Variants in NLGN1 observed in about 807,000 individuals in gnomAD.
NLGN1 encodes the protein neuroligin-1.
Under a neutral mutation model 65.5 loss-of-function variants are expected in NLGN1, and 12 were observed. The observed-to-expected ratio is 0.18, with a 90% CI of 0.12 to 0.30. The LOEUF is 0.30. Ranked by LOEUF, NLGN1 falls within the 10% of genes least tolerant of loss-of-function variation. The pLI, the probability that NLGN1 is intolerant of heterozygous loss-of-function variation, is 1.00. For missense variants in NLGN1, 750 were observed against 1,007.1 expected (o/e 0.74, Z 3.46); for synonymous variants, 350 against 359.5 (o/e 0.97, Z 0.30).
intron 4 of NLGN1, among the ~76,000 whole-genome samples, chr3:173,893,816 T>A (rs1032821620): frequency 6.6e-6 from 1 of 152,242 alleles, no homozygotes; most frequent in Non-Finnish European, 1.5e-5. Context: ...CTGTGATAGC[T>A]TGCCTATCAT....
At chr3:174,211,049 C>T (rs190320167) in intron 4 of NLGN1, among the ~76,000 whole-genome samples, 1 of 152,078 alleles carries the variant, frequency 6.6e-6, no homozygotes, top group Admixed American at 6.6e-5. Context: ...CAGATGTGTT[C>T]GGAGTTTCTT....
chr3:173,952,777 CTT>C (rs201322891), intron 4 of NLGN1, among the ~76,000 whole-genome samples: 18 of 138,046 alleles, frequency 1.3e-4, no homozygotes, highest in Non-Finnish European at 1.3e-4. Context: ...TAAAATTTAC[CTT>C]TTTTTTTTTT....
intron 3 of NLGN1, among the ~76,000 whole-genome samples, chr3:173,738,043 A>G (rs781048129): frequency 6.6e-6 from 1 of 151,944 alleles, no homozygotes; most frequent in Admixed American, 6.6e-5. Flanking sequence ...GGCCATTTCT[A>G]TATCTTCTTT....
At chr3:173,404,494 A>C (rs1343349378) in intron 1 of NLGN1, among the ~76,000 whole-genome samples, 1 of 152,158 alleles carries the variant, frequency 6.6e-6, no homozygotes, top group Non-Finnish European at 1.5e-5. Flanking sequence ...TCAAGCTTAA[A>C]ATGGTAATTA....
chr3:173,640,404 C>T (rs1281819620), intron 3 of NLGN1, among the ~76,000 whole-genome samples: 1 of 152,002 alleles, frequency 6.6e-6, no homozygotes, highest in African/African-American at 2.4e-5. Flanking sequence ...TATTTTTATA[C>T]ATATCATTTA....
chr3:173,945,580 A>G (rs1314647246), intron 4 of NLGN1, among the ~76,000 whole-genome samples: 1 of 152,186 alleles, frequency 6.6e-6, no homozygotes, highest in Non-Finnish European at 1.5e-5. Context: ...TGTAAGAAAT[A>G]TGTACATATT....
intron 2 of NLGN1, among the ~76,000 whole-genome samples, chr3:173,487,121 C>T (rs939106573): frequency 5.9e-5 from 9 of 151,812 alleles, no homozygotes; most frequent in Admixed American, 5.3e-4. Context: ...TCTTTTTAAA[C>T]TTTTCTTATT....
chr3:174,097,688 G>A (rs1039021528), intron 4 of NLGN1, among the ~76,000 whole-genome samples: 1 of 152,088 alleles, frequency 6.6e-6, no homozygotes, highest in Admixed American at 6.5e-5. Context: ...AACATAATAT[G>A]TAATGGAAAA....
chr3:173,736,162 C>T (rs1773706317), intron 3 of NLGN1, among the ~76,000 whole-genome samples: 1 of 151,994 alleles, frequency 6.6e-6, no homozygotes, highest in South Asian at 2.1e-4. Flanking sequence ...CAGCTTGATT[C>T]GTTTCTAGCT....
At chr3:173,405,749 G>A (rs1718514476) in intron 1 of NLGN1, among the ~76,000 whole-genome samples, 2 of 152,120 alleles carry the variant, frequency 1.3e-5, no homozygotes, top group South Asian at 2.1e-4. Flanking sequence ...GACCAGGAAC[G>A]AAGAGACCGA....
chr3:173,749,472 G>A (rs761296263), intron 3 of NLGN1, among the ~76,000 whole-genome samples: 2 of 151,982 alleles, frequency 1.3e-5, no homozygotes, highest in Non-Finnish European at 2.9e-5. Context: ...TACATGATGT[G>A]AGCATTTGGC....
chr3:174,274,041 A>T (rs922189824), intron 4 of NLGN1, among the ~76,000 whole-genome samples: 2 of 151,658 alleles, frequency 1.3e-5, no homozygotes, highest in African/African-American at 4.8e-5. Context: ...ACAATCATTG[A>T]CCCATTATGT....
intron 3 of NLGN1, among the ~76,000 whole-genome samples, chr3:173,613,577 T>C (rs1752627941): frequency 6.6e-6 from 1 of 152,160 alleles, no homozygotes; most frequent in Non-Finnish European, 1.5e-5. Flanking sequence ...TATGCAAACA[T>C]GGTTTAAGTT....
intron 3 of NLGN1, among the ~76,000 whole-genome samples, chr3:173,783,896 T>C (rs1341696264): frequency 1.3e-5 from 2 of 152,236 alleles, no homozygotes; most frequent in East Asian, 1.9e-4. Context: ...ATTACAGGCA[T>C]GTTACAATGT....
At chr3:173,645,926 A>G (rs1399238705) in intron 3 of NLGN1, among the ~76,000 whole-genome samples, 2 of 152,072 alleles carry the variant, frequency 1.3e-5, no homozygotes, top group Non-Finnish European at 2.9e-5. Flanking sequence ...TGCTCCTTAA[A>G]CAGTCTGAAC....
chr3:173,965,374 G>A (rs539081448), intron 4 of NLGN1, among the ~76,000 whole-genome samples: 3 of 151,918 alleles, frequency 2.0e-5, no homozygotes, highest in Non-Finnish European at 4.4e-5. Flanking sequence ...CTAGAGTGTA[G>A]TAGTGTGATC....
intron 4 of NLGN1, among the ~76,000 whole-genome samples, chr3:173,970,308 T>C (rs1160585551): frequency 6.6e-6 from 1 of 152,152 alleles, no homozygotes; most frequent in African/African-American, 2.4e-5. Flanking sequence ...AGAGAAAATG[T>C]ACAGGGTGCG....
At chr3:173,996,602 C>T (rs1369346748) in intron 4 of NLGN1, among the ~76,000 whole-genome samples, 3 of 152,152 alleles carry the variant, frequency 2.0e-5, no homozygotes, top group African/African-American at 7.2e-5. Context: ...TTGATCTTCC[C>T]TGAAGAGACC....
intron 2 of NLGN1, among the ~76,000 whole-genome samples, chr3:173,559,548 T>C (rs1742308521): frequency 6.6e-6 from 1 of 152,180 alleles, no homozygotes; most frequent in South Asian, 2.1e-4. Context: ...TATTAGAATT[T>C]TTAAATTTGT....
Sources: gnomAD v4.1 joint callset for allele counts (sites outside exome capture counted in the v4.1 genomes callset) on GRCh38, gnomAD v4.1.1 for gene constraint, MANE v1.5 for transcripts, NCBI Gene and HGNC (gene_info 2026-07-23, HGNC 2026-07-21) for gene names.